Variants in SUCLG2 observed in about 807,000 individuals in gnomAD.
The protein encoded by SUCLG2 is succinate--CoA ligase [GDP-forming] subunit beta, mitochondrial.
Under a neutral mutation model 47.9 loss-of-function variants are expected in SUCLG2, and 42 were observed. The ratio of observed to expected loss-of-function variants is 0.88; its 90% confidence interval spans 0.69 to 1.14. SUCLG2 has a LOEUF of 1.14. Among genes scored for constraint, SUCLG2 ranks in the 50% most tolerant of loss-of-function variants. SUCLG2 has a pLI of 0.00. For missense variants in SUCLG2, 571 were observed against 525.9 expected (o/e 1.09, Z -0.84); for synonymous variants, 195 against 197.3 (o/e 0.99, Z 0.10).
intron 9 of SUCLG2, among the ~76,000 whole-genome samples, chr3:67,444,386 G>A: frequency 2.2e-5 from 1 of 45,872 alleles, no homozygotes; most frequent in Admixed American, 2.2e-4. Context: ...AGGGAGGTGG[G>A]GGGGTCAGCC....
At chr3:67,515,456 G>T (rs1705919449) in intron 6 of SUCLG2, among the ~76,000 whole-genome samples, 1 of 152,112 alleles carries the variant, frequency 6.6e-6, no homozygotes, top group Non-Finnish European at 1.5e-5. Context: ...GTAAAGCAAA[G>T]TATCATCTTT....
intron 1 of SUCLG2, among the ~76,000 whole-genome samples, chr3:67,614,755 G>T (rs1188401255): frequency 1.3e-5 from 2 of 152,046 alleles, no homozygotes; most frequent in South Asian, 4.1e-4. Context: ...AGGGACCACT[G>T]GGGTCCAATC....
At chr3:67,469,383 T>C (rs1017548012) in intron 9 of SUCLG2, among the ~76,000 whole-genome samples, 5 of 152,204 alleles carry the variant, frequency 3.3e-5, no homozygotes, top group Admixed American at 6.5e-5. Context: ...AAACTCAACC[T>C]TTACCCTAGG....
chr3:67,409,031 G>A, intron 9 of SUCLG2: 1 of 1,535,138 alleles, frequency 6.5e-7, no homozygotes. Flanking sequence ...TTCAAATTTT[G>A]CTGCTGAATT....
At chr3:67,393,869 C>T (rs139347250) in intron 10 of SUCLG2, among the ~76,000 whole-genome samples, 10,954 of 152,106 alleles carry the variant, frequency 0.072, 400 homozygotes, top group Middle Eastern at 0.14. Flanking sequence ...TTCATGAAAA[C>T]CCACTGTTCT....
rs1705409776 is a variant in SUCLG2 at position 67,498,447 on chromosome 3, AC to A, written c.758-153del. Reference sequence around the variant, plus strand: ...AGGAGAGGCTGCTTTGGCTTTCTTGACCTTTAAATTTTAGGGTTTGGTCCCT... The same window carrying A: ...AGGAGAGGCTGCTTTGGCTTTCTTGACTTTAAATTTTAGGGTTTGGTCCCT... On this transcript the variant is annotated intron_variant, in intron 7 of 10. Transcript: ENST00000307227. 1.3e-5 allele frequency: 10 copies of A among 780,702 alleles called. No homozygotes were observed. In the East Asian group the frequency reaches 2.4e-4, roughly 19 times the overall value. The allele number at this position is 780,702 out of a possible 1,614,324, so 48.4% of individuals were successfully genotyped here. A position where few individuals can be genotyped will look rare whatever the true frequency, so the allele number is the denominator to read the frequency against.
At chr3:67,599,904 T>C (rs1175274507) in intron 2 of SUCLG2, among the ~76,000 whole-genome samples, 2 of 152,226 alleles carry the variant, frequency 1.3e-5, no homozygotes, top group Non-Finnish European at 1.5e-5. Flanking sequence ...ACCTTCTCAA[T>C]TCATTTCCTG....
chr3:67,408,215 C>T (rs554043708), intron 9 of SUCLG2, among the ~76,000 whole-genome samples: 79 of 152,266 alleles, frequency 5.2e-4, no homozygotes, highest in South Asian at 1.2e-3. Context: ...TGTGTGACTT[C>T]AAATGCCAGG....
intron 9 of SUCLG2, among the ~76,000 whole-genome samples, chr3:67,451,201 GGCT>G (rs1704048464): frequency 6.6e-6 from 1 of 152,042 alleles, no homozygotes; most frequent in Non-Finnish European, 1.5e-5. Flanking sequence ...CTGTAGTTTT[GGCT>G]GCTTGAATAC....
At chr3:67,586,188 T>G (rs1409958856) in intron 2 of SUCLG2, among the ~76,000 whole-genome samples, 1 of 152,158 alleles carries the variant, frequency 6.6e-6, no homozygotes, top group African/African-American at 2.4e-5. Flanking sequence ...GGATGAAGCA[T>G]CCTACTTGTA....
rs531955188 is a variant in SUCLG2, at chr3:67,505,777, C to T, written c.757+3030G>A. Reference sequence around the variant, plus strand: ...AGGAGTTCGAGACCAGCCTGGCCAACGTGGTGAAACCCCGTCTCTACTAAA... The same window carrying T: ...AGGAGTTCGAGACCAGCCTGGCCAATGTGGTGAAACCCCGTCTCTACTAAA... On this transcript the variant is annotated intron_variant, in intron 7 of 10. Coordinates refer to ENST00000307227, the MANE Select transcript of SUCLG2 (RefSeq NM_003848.4). Among the ~76,000 whole-genome samples, 11 of 152,158 alleles carry T rather than the reference C, an allele frequency of 7.2e-5. No individual in the cohort carries two copies. The South Asian group carries it at 8.3e-4, about 11-fold the overall frequency.
At chr3:67,542,191 A>G (rs545838063) in intron 2 of SUCLG2, among the ~76,000 whole-genome samples, 31 of 152,248 alleles carry the variant, frequency 2.0e-4, no homozygotes, top group African/African-American at 7.5e-4. Flanking sequence ...TTCTTAAAGA[A>G]AAGAATTTTC....
intron 1 of SUCLG2, among the ~76,000 whole-genome samples, chr3:67,652,009 T>G (rs888047924): frequency 6.6e-6 from 1 of 152,136 alleles, no homozygotes; most frequent in Non-Finnish European, 1.5e-5. Flanking sequence ...CCTGCCTCAT[T>G]CACCATCCCC....
chr3:67,487,499 T>TACACACACACACAC (rs143841918), intron 9 of SUCLG2, among the ~76,000 whole-genome samples: 3,859 of 149,880 alleles, frequency 0.026, 91 homozygotes, highest in African/African-American at 0.063. Flanking sequence ...AACACACATA[T>TACACACACACACAC]ACACACACAC....
At chr3:67,482,739 C>G (rs147635509) in intron 9 of SUCLG2, among the ~76,000 whole-genome samples, 3 of 152,142 alleles carry the variant, frequency 2.0e-5, no homozygotes, top group African/African-American at 7.2e-5. Context: ...TAATGACACA[C>G]GGAAGATTCT....
intron 1 of SUCLG2, among the ~76,000 whole-genome samples, chr3:67,646,839 G>A (rs1018721420): frequency 6.6e-6 from 1 of 151,948 alleles, no homozygotes; most frequent in African/African-American, 2.4e-5. Context: ...CTCCATTCTT[G>A]CATTTCTCCA....
chr3:67,597,412 C>CTCT (rs1402691665), intron 2 of SUCLG2, among the ~76,000 whole-genome samples: 2 of 152,148 alleles, frequency 1.3e-5, no homozygotes, highest in African/African-American at 4.8e-5. Flanking sequence ...TGTCTTTGTT[C>CTCT]TCTTATTAAC....
rs1169107746 is a variant in SUCLG2, at chr3:67,631,608, C to T, written c.85-22012G>A. Reference sequence around the variant, plus strand: ...CACCACTACACTCCAGCCTAGGCAACAGAGTGAGACTCCGTTTCAAAAAAA... The same window carrying T: ...CACCACTACACTCCAGCCTAGGCAATAGAGTGAGACTCCGTTTCAAAAAAA... On this transcript the variant is annotated intron_variant, in intron 1 of 10. Transcript: ENST00000307227. 3.9e-5 allele frequency among the ~76,000 whole-genome samples: 6 copies of T among 152,240 alleles called. No individual in the cohort carries two copies. In the East Asian group the frequency reaches 1.2e-3, roughly 29 times the overall value.
chr3:67,391,999 G>A (rs1213914830), intron 10 of SUCLG2, among the ~76,000 whole-genome samples: 1 of 152,120 alleles, frequency 6.6e-6, no homozygotes, highest in Non-Finnish European at 1.5e-5. Context: ...GTGGCTCTTG[G>A]AGGAGGGTCT....
Sources: allele counts gnomAD v4.1 joint callset (sites outside exome capture counted in the v4.1 genomes callset), GRCh38; gene constraint gnomAD v4.1.1; transcripts MANE v1.5; gene names NCBI Gene and HGNC (gene_info 2026-07-23, HGNC 2026-07-21).